The following PTPRT variants were observed in gnomAD, a reference collection of about 807,000 sequenced individuals.
PTPRT encodes the protein receptor-type tyrosine-protein phosphatase T.
Under a neutral mutation model 176.8 loss-of-function variants are expected in PTPRT, and 56 were observed. That is an observed-to-expected ratio of 0.32 (90% CI 0.26 to 0.40). PTPRT has a LOEUF of 0.40. PTPRT is among the 10% of genes least tolerant of loss of function. The pLI, the probability that PTPRT is intolerant of heterozygous loss-of-function variation, is 1.00. For synonymous variants in PTPRT, 783 were observed against 739.0 expected (o/e 1.06, Z -0.96); for missense variants, 1,540 against 1,908.2 (o/e 0.81, Z 3.60).
chr20:42,352,498 C>A (rs1600876478), intron 9 of PTPRT, among the ~76,000 whole-genome samples: 1 of 152,076 alleles, frequency 6.6e-6, no homozygotes, highest in Admixed American at 6.5e-5. Flanking sequence ...AATGCATGTT[C>A]TCATTGATTT....
intron 16 of PTPRT, among the ~76,000 whole-genome samples, chr20:42,188,318 CA>C (rs1468019194): frequency 1.2e-4 from 19 of 152,038 alleles, no homozygotes; most frequent in African/African-American, 4.6e-4. Flanking sequence ...GGGAGGAAGG[CA>C]AAACACAAGG....
intron 1 of PTPRT, among the ~76,000 whole-genome samples, chr20:43,014,462 G>C (rs570375293): frequency 6.6e-6 from 1 of 152,262 alleles, no homozygotes; most frequent in South Asian, 2.1e-4. Flanking sequence ...GGTACCAAGG[G>C]ACAGGGCATT....
At chr20:42,546,422 T>C (rs1452946030) in intron 7 of PTPRT, among the ~76,000 whole-genome samples, 1 of 152,040 alleles carries the variant, frequency 6.6e-6, no homozygotes, top group African/African-American at 2.4e-5. Context: ...TTAGCTATTG[T>C]TACAGCTGCA....
Position 42,680,250 on chromosome 20 carries a change from G to A in PTPRT, c.860-2091C>T, listed in dbSNP as rs561159923. 7.9e-5 allele frequency among the ~76,000 whole-genome samples: 12 copies of A among 152,260 alleles called. No homozygotes were observed. In the South Asian group the frequency reaches 2.5e-3, roughly 32 times the overall value. On this transcript the variant is annotated intron_variant, in intron 6 of 30. Coordinates refer to ENST00000373187, the MANE Select transcript of PTPRT (RefSeq NM_007050.6). ...CAATATTTTCTCAGTGTGACTCGAA[G>A]CAAATCTTAAGGGACAACTCCAGAT...
intron 6 of PTPRT, among the ~76,000 whole-genome samples, chr20:42,732,563 GAGA>G (rs1438795149): frequency 3.9e-5 from 6 of 152,186 alleles, no homozygotes; most frequent in Non-Finnish European, 5.9e-5. Context: ...GGATGACTGC[GAGA>G]AGAAGGTGAA....
the PTPRT span, among the ~76,000 whole-genome samples, chr20:42,054,331 C>A: frequency 6.6e-6 from 1 of 152,152 alleles, no homozygotes. Context: ...GGGTGAGAGT[C>A]CAAACATCAA....
At chr20:42,145,360 C>T (rs190392098) in intron 17 of PTPRT, among the ~76,000 whole-genome samples, 5 of 152,154 alleles carry the variant, frequency 3.3e-5, no homozygotes, top group East Asian at 3.9e-4. Flanking sequence ...ATTAGCTGGG[C>T]GTGGTGACAC....
At chr20:42,251,598 T>A (rs1269319343) in intron 13 of PTPRT, among the ~76,000 whole-genome samples, 1 of 151,136 alleles carries the variant, frequency 6.6e-6, no homozygotes, top group African/African-American at 2.4e-5. Context: ...AATTCACCCC[T>A]AATAGGGGTG....
At chr20:42,893,068 T>A (rs945392248) in intron 1 of PTPRT, among the ~76,000 whole-genome samples, 4 of 151,766 alleles carry the variant, frequency 2.6e-5, no homozygotes, top group Non-Finnish European at 1.5e-5. Context: ...ACCATCAGAG[T>A]GAACAGGCAA....
chr20:42,304,614 A>C (rs2145325343), intron 12 of PTPRT, among the ~76,000 whole-genome samples: 1 of 152,294 alleles, frequency 6.6e-6, no homozygotes. Flanking sequence ...TTAATCAAAA[A>C]TGCTGAGGTG....
In PTPRT at chr20:43,052,244, G is replaced by T. The variant is rs537985482; in HGVS notation, c.88+137402C>A. ...CAGGAAACACAGCAACACAACAGGG[G>T]TAATGATTCAAAATTCAGCATAAAT... On this transcript the variant is annotated intron_variant, in intron 1 of 30. Transcript: ENST00000373187. 2.0e-5 allele frequency among the ~76,000 whole-genome samples: 3 copies of T among 152,306 alleles called. No homozygotes were observed. The South Asian group carries it at 6.2e-4, about 32-fold the overall frequency.
intron 17 of PTPRT, among the ~76,000 whole-genome samples, chr20:42,146,935 C>T (rs528994663): frequency 4.6e-5 from 7 of 152,246 alleles, no homozygotes; most frequent in East Asian, 3.9e-4. Flanking sequence ...CACCTGAGTC[C>T]GTCTGACAAA....
chr20:43,165,833 T>TCAA (rs1331469220), intron 1 of PTPRT, among the ~76,000 whole-genome samples: 4 of 152,102 alleles, frequency 2.6e-5, no homozygotes, highest in Admixed American at 1.3e-4. Context: ...AAAAAATGTG[T>TCAA]CAACAGGGAA....
Position 42,379,090 on chromosome 20 carries a change from G to A in PTPRT, c.1561-26805C>T, listed in dbSNP as rs1332353221. On this transcript the variant is annotated intron_variant, in intron 9 of 30. Coordinates refer to ENST00000373187, the MANE Select transcript of PTPRT (RefSeq NM_007050.6). ...TTTGAACATGTAAGCCTTTGCTTCT[G>A]CCTTCAGGTGCTCAACTCTGGCGTG... is the stretch of plus-strand genomic sequence containing the variant. Among the ~76,000 whole-genome samples, 3 of 152,150 alleles carry A rather than the reference G, an allele frequency of 2.0e-5. No homozygotes were observed. In the East Asian group the frequency reaches 5.8e-4, roughly 29 times the overall value.
chr20:42,108,887 C>T (rs893402353), intron 23 of PTPRT, among the ~76,000 whole-genome samples: 8 of 152,200 alleles, frequency 5.3e-5, no homozygotes, highest in African/African-American at 1.9e-4. Context: ...AGACACATAC[C>T]GGCGTAGAGC....
At chr20:42,350,351 C>T (rs191337863) in intron 11 of PTPRT, among the ~76,000 whole-genome samples, 2 of 151,298 alleles carry the variant, frequency 1.3e-5, no homozygotes, top group South Asian at 2.1e-4. Context: ...ATATCATCCT[C>T]TCGAGTAGCC....
intron 7 of PTPRT, among the ~76,000 whole-genome samples, chr20:42,629,818 C>CCT (rs1555889377): frequency 2.0e-5 from 3 of 152,152 alleles, no homozygotes; most frequent in Non-Finnish European, 4.4e-5. Flanking sequence ...AGGATCCAAA[C>CCT]GACATGGGAA....
rs181247356 is a variant in PTPRT at position 42,135,908 on chromosome 20, C to T, written c.2770+6007G>A. On this transcript the variant is annotated intron_variant, in intron 18 of 30. Coordinates refer to ENST00000373187, the MANE Select transcript of PTPRT (RefSeq NM_007050.6). ...ACGCTGAGATCCATGACCTCCATACCCTTCTATGCCACACTTCTCCAGCTT... is the reference window on the plus strand; with the variant it reads ...ACGCTGAGATCCATGACCTCCATACTCTTCTATGCCACACTTCTCCAGCTT... Among the ~76,000 whole-genome samples, 70 of 152,248 alleles carry T rather than the reference C, an allele frequency of 4.6e-4. 1 individual carries two copies. The highest frequency in any genetic ancestry group is 3.9e-3 in the South Asian group (19 of 4,818).
intron 1 of PTPRT, among the ~76,000 whole-genome samples, chr20:43,001,227 G>A (rs1984535911): frequency 6.6e-6 from 1 of 152,120 alleles, no homozygotes; most frequent in Non-Finnish European, 1.5e-5. Context: ...TTGCTGAACT[G>A]AAAGCTAGGA....
Sources: allele counts gnomAD v4.1 joint callset (sites outside exome capture counted in the v4.1 genomes callset), GRCh38; gene constraint gnomAD v4.1.1; transcripts MANE v1.5; gene names NCBI Gene and HGNC (gene_info 2026-07-23, HGNC 2026-07-21).